SLC39A11: variants seen among roughly 807,000 people sequenced by gnomAD.
The protein encoded by SLC39A11 is zinc transporter ZIP11.
In SLC39A11, 33 loss-of-function variants were observed where a neutral mutation model predicts 36.1. The observed-to-expected ratio is 0.91, with a 90% CI of 0.69 to 1.22. SLC39A11 has a LOEUF of 1.22. Among genes scored for constraint, SLC39A11 ranks in the 50% most tolerant of loss-of-function variants. The pLI is 0.00. For missense variants in SLC39A11, 432 were observed against 430.3 expected (o/e 1.00, Z -0.03); for synonymous variants, 166 against 170.3 (o/e 0.97, Z 0.20).
chr17:72,690,066 C>G (rs1200564718), intron 7 of SLC39A11, among the ~76,000 whole-genome samples: 1 of 152,190 alleles, frequency 6.6e-6, no homozygotes, highest in Non-Finnish European at 1.5e-5. Flanking sequence ...AAATACTCTC[C>G]TTCCTCCTTC....
intron 3 of SLC39A11, among the ~76,000 whole-genome samples, chr17:73,040,610 A>G (rs557903317): frequency 5.9e-5 from 9 of 152,342 alleles, no homozygotes; most frequent in Admixed American, 1.3e-4. Flanking sequence ...GAAGGGCACT[A>G]TTCAGAAATT....
At chr17:72,920,423 G>T (rs941697073) in intron 5 of SLC39A11, among the ~76,000 whole-genome samples, 5 of 151,366 alleles carry the variant, frequency 3.3e-5, no homozygotes, top group African/African-American at 1.2e-4. Context: ...CCACCTCCAG[G>T]CAGTGACACC....
intron 5 of SLC39A11, among the ~76,000 whole-genome samples, chr17:72,856,982 T>C (rs534196771): frequency 6.6e-6 from 1 of 152,198 alleles, no homozygotes; most frequent in African/African-American, 2.4e-5. Flanking sequence ...CATTCTTTTT[T>C]AAAAAACTTT....
intron 3 of SLC39A11, among the ~76,000 whole-genome samples, chr17:73,048,006 T>TATATATAG (rs2059375667): frequency 1.4e-5 from 1 of 69,092 alleles, no homozygotes; most frequent in Non-Finnish European, 2.8e-5. Context: ...TATATATATA[T>TATATATAG]ATATATATAT....
At chr17:72,830,320 T>C (rs992454397) in intron 6 of SLC39A11, among the ~76,000 whole-genome samples, 9 of 138,978 alleles carry the variant, frequency 6.5e-5, no homozygotes, top group African/African-American at 2.3e-4. Context: ...CCCTTGAAGA[T>C]GACTGTGTAT....
In SLC39A11 at chr17:72,734,677, A is replaced by C. The variant is rs140546578; in HGVS notation, c.671+1973T>G. On this transcript the variant is annotated intron_variant, in intron 7 of 9. Transcript: ENST00000255559. The stretch of plus-strand genomic sequence containing the variant: ...AAGACTGGCAGAAAGTGCAGGTGAC[A>C]GAACAGAAGAACATCGGAGTTGACA... 6.5e-3 allele frequency among the ~76,000 whole-genome samples: 983 copies of C among 152,366 alleles called. 10 individuals carry two copies. The highest frequency in any genetic ancestry group is 0.021 in the African/African-American group (874 of 41,594).
At chr17:72,979,740 T>G (rs2088156641) in intron 4 of SLC39A11, among the ~76,000 whole-genome samples, 1 of 152,018 alleles carries the variant, frequency 6.6e-6, no homozygotes, top group African/African-American at 2.4e-5. Flanking sequence ...CCAAAACAAA[T>G]CTTGCCTATA....
chr17:72,931,900 C>T (rs890132112), intron 5 of SLC39A11, among the ~76,000 whole-genome samples: 1 of 152,192 alleles, frequency 6.6e-6, no homozygotes, highest in Non-Finnish European at 1.5e-5. Context: ...GACTAGTGAA[C>T]CATGAGCCAT....
intron 6 of SLC39A11, among the ~76,000 whole-genome samples, chr17:72,773,355 A>G (rs1300262109): frequency 6.6e-6 from 1 of 152,106 alleles, no homozygotes; most frequent in African/African-American, 2.4e-5. Context: ...GACCTGGTGG[A>G]AGATAATTGA....
intron 5 of SLC39A11, 21 bp from the exon 6 acceptor site, chr17:72,849,825 A>T: frequency 6.7e-7 from 1 of 1,498,530 alleles, no homozygotes; most frequent in Admixed American, 2.3e-5. Context: ...AAAAAAAAAA[A>T]GAGAGATGGG....
At chr17:72,747,509 A>C (rs1453801676) in intron 6 of SLC39A11, among the ~76,000 whole-genome samples, 2 of 152,150 alleles carry the variant, frequency 1.3e-5, no homozygotes, top group African/African-American at 2.4e-5. Flanking sequence ...AAGTGTCACT[A>C]AACTGGGAGA....
At chr17:72,717,868 G>C (rs1306718836) in intron 7 of SLC39A11, among the ~76,000 whole-genome samples, 3 of 152,164 alleles carry the variant, frequency 2.0e-5, no homozygotes, top group Non-Finnish European at 4.4e-5. Context: ...GGTGAGGCTG[G>C]AGAAGTGAGT....
intron 6 of SLC39A11, among the ~76,000 whole-genome samples, chr17:72,785,795 A>T (rs2076493161): frequency 6.6e-6 from 1 of 152,202 alleles, no homozygotes; most frequent in Non-Finnish European, 1.5e-5. Flanking sequence ...CAGAGCTTGA[A>T]GAGTAAGTTA....
At chr17:72,734,847 T>C (rs60663400) in intron 7 of SLC39A11, among the ~76,000 whole-genome samples, 13,209 of 152,050 alleles carry the variant, frequency 0.087, 1,198 homozygotes, top group African/African-American at 0.23. Flanking sequence ...TTTGAATGTT[T>C]ATAAGGTCAC....
At chr17:72,648,330 TAA>T (rs10715471) in intron 9 of SLC39A11, among the ~76,000 whole-genome samples, 1,482 of 126,038 alleles carry the variant, frequency 0.012, 9 homozygotes, top group African/African-American at 0.016. Flanking sequence ...ACTCTGCCAT[TAA>T]AAAAAAAAAA....
chr17:72,668,341 G>A (rs1217058611), intron 7 of SLC39A11, among the ~76,000 whole-genome samples: 1 of 151,696 alleles, frequency 6.6e-6, no homozygotes, highest in Non-Finnish European at 1.5e-5. Flanking sequence ...ATTAGATGCT[G>A]AGTTTAACTG....
intron 4 of SLC39A11, among the ~76,000 whole-genome samples, chr17:73,011,781 C>T (rs2090536938): frequency 6.6e-6 from 1 of 150,994 alleles, no homozygotes; most frequent in South Asian, 2.1e-4. Context: ...CCTGCCTCAG[C>T]TTCTCAAGTA....
intron 6 of SLC39A11, among the ~76,000 whole-genome samples, chr17:72,805,519 T>A (rs928502459): frequency 3.3e-5 from 5 of 152,190 alleles, no homozygotes; most frequent in African/African-American, 9.6e-5. Flanking sequence ...AGATGTGCTG[T>A]CAAGGCAGAT....
intron 5 of SLC39A11, among the ~76,000 whole-genome samples, chr17:72,885,642 G>A (rs1242527407): frequency 6.8e-6 from 1 of 146,064 alleles, no homozygotes; most frequent in Non-Finnish European, 1.5e-5. Flanking sequence ...TTTATTTCCA[G>A]CTCCTTTCTT....
Sources: gnomAD v4.1 joint callset for allele counts (sites outside exome capture counted in the v4.1 genomes callset) on GRCh38, gnomAD v4.1.1 for gene constraint, MANE v1.5 for transcripts, NCBI Gene and HGNC (gene_info 2026-07-23, HGNC 2026-07-21) for gene names.